The following PTRH1 variants were observed in gnomAD, a reference collection of about 807,000 sequenced individuals.
PTRH1 encodes peptidyl-tRNA hydrolase.
PTRH1 carries 13 observed loss-of-function variants against 15.7 expected under a neutral mutation model. The ratio of observed to expected loss-of-function variants is 0.83; its 90% CI spans 0.54 to 1.31. The LOEUF is 1.31. PTRH1 is among the 40% of genes most tolerant of loss of function. The pLI is 0.00. For synonymous variants in PTRH1, 139 were observed against 136.7 expected, an observed-to-expected ratio of 1.02 and a Z score of -0.12; for missense variants, 319 against 296.2, an observed-to-expected ratio of 1.08 and a Z score of -0.56.
At chr9:127,712,558 T>C, downstream of PTRH1, 1 of 1,538,836 alleles carries the variant, frequency 6.5e-7, no homozygotes, top group Non-Finnish European at 8.8e-7. Flanking sequence ...CTCTGAAAGG[T>C]CTTGGGCCTC....
downstream of PTRH1, chr9:127,713,798 C>T (rs1250413950): frequency 1.3e-6 from 2 of 1,586,650 alleles, no homozygotes; most frequent in Non-Finnish European, 1.7e-6. Context: ...TGAGCCACTG[C>T]ACCCGGCCTC....
At chr9:127,695,075 T>G in exon 2 of PTRH1, 1 of 702,050 alleles carries the variant, frequency 1.4e-6, no homozygotes, top group Non-Finnish European at 2.6e-6. Flanking sequence ...ATGATGATGA[T>G]GATGATGATG....
intron 2 of PTRH1, chr9:127,694,873 A>G (rs1842543187): frequency 6.1e-6 from 4 of 660,108 alleles, no homozygotes; most frequent in African/African-American, 1.8e-5. Context: ...TCTTCTGGGT[A>G]CAGGAAGCAG....
intron 1 of PTRH1, among the ~76,000 whole-genome samples, chr9:127,701,812 G>A (rs1842605412): frequency 6.6e-6 from 1 of 151,822 alleles, no homozygotes; most frequent in Non-Finnish European, 1.5e-5. Flanking sequence ...TACTCGGGAG[G>A]CTGCAGCAGG....
chr9:127,714,763 G>A (rs1842887778), intron 2 of PTRH1, 61 bp from the exon 3 acceptor site: 3 of 1,391,178 alleles, frequency 2.2e-6, no homozygotes, highest in South Asian at 1.2e-5. Flanking sequence ...GCACTGTCCC[G>A]ACTCCCATGA....
chr9:127,698,691 G>A (rs1270981214), intron 1 of PTRH1, among the ~76,000 whole-genome samples: 1 of 152,068 alleles, frequency 6.6e-6, no homozygotes, highest in Non-Finnish European at 1.5e-5. Context: ...AATAAAAATG[G>A]TTGGGGCAAA....
At chr9:127,699,689 T>G (rs962193764) in intron 1 of PTRH1, among the ~76,000 whole-genome samples, 2 of 151,676 alleles carry the variant, frequency 1.3e-5, no homozygotes, top group Middle Eastern at 3.2e-3. Context: ...AAGACTGTGC[T>G]GAGCAAAATA....
chr9:127,714,539 C>T (rs1842869307), intron 3 of PTRH1, 64 bp downstream of exon 3: 1 of 1,592,520 alleles, frequency 6.3e-7, no homozygotes, highest in Non-Finnish European at 8.6e-7. Flanking sequence ...GGTCAGCAGC[C>T]CTACTCCACC....
At chr9:127,711,128 GTGTTTAAC>G, downstream of PTRH1, 1 of 1,424,018 alleles carries the variant, frequency 7.0e-7, no homozygotes, top group South Asian at 1.4e-5. Flanking sequence ...GAGCATGCTG[GTGTTTAAC>G]AGCCCTAGGT....
At chr9:127,704,461 G>T (rs569213369) in intron 1 of PTRH1, among the ~76,000 whole-genome samples, 32 of 149,128 alleles carry the variant, frequency 2.1e-4, no homozygotes, top group Non-Finnish European at 3.3e-4. Flanking sequence ...AGCCGAGATG[G>T]TGCCACTGCA....
At position 127,714,701 on chromosome 9, in the gene PTRH1, C is replaced by A; in HGVS notation, c.318G>T (p.Ala106=). Residue 106 remains alanine (A), a splice_region_variant and synonymous_variant, in exon 3 of 5, where the codon GCG becomes GCT. Transcript: ENST00000543175. ...CCTCGGCAGTCAGCCCAAACAGCTC[C>A]GCTTAGCACAGGGAAACGGCAGCCC... ...NANGRSVARA[A]ELFGLTAEEV... 6.2e-7 allele frequency: 1 copy of A among 1,610,506 alleles called. No individual in the cohort carries two copies. Among genetic ancestry groups the A allele is most frequent in the East Asian group, 2.2e-5 (1 of 44,580 alleles).
At chr9:127,694,848 C>A in intron 2 of PTRH1, 3 of 625,206 alleles carry the variant, frequency 4.8e-6, no homozygotes, top group Non-Finnish European at 8.7e-6. Flanking sequence ...TTAGCAGTGG[C>A]CTGTGGGTTC....
intron 1 of PTRH1, among the ~76,000 whole-genome samples, chr9:127,696,645 A>G (rs1842563239): frequency 1.3e-5 from 2 of 152,300 alleles, no homozygotes; most frequent in Middle Eastern, 3.4e-3. Context: ...GGATCACTTG[A>G]GGTCAGGAGT....
chr9:127,694,826 C>T, intron 2 of PTRH1: 3 of 599,908 alleles, frequency 5.0e-6, no homozygotes, highest in East Asian at 5.6e-5. Flanking sequence ...TATTTAACAC[C>T]GTTGGAGACT....
At chr9:127,700,163 T>C (rs750681957) in intron 1 of PTRH1, among the ~76,000 whole-genome samples, 46 of 152,230 alleles carry the variant, frequency 3.0e-4, no homozygotes, top group Non-Finnish European at 6.2e-4. Context: ...GCTCCTTCTC[T>C]GCTCTAGGAA....
At chr9:127,713,061 C>T (rs746506232), downstream of PTRH1, 26 of 1,613,822 alleles carry the variant, frequency 1.6e-5, no homozygotes, top group South Asian at 9.9e-5. Flanking sequence ...TCTCTGCTGC[C>T]GCAGCTCTCT....
chr9:127,709,699 G>A (rs746543146), downstream of PTRH1: 2 of 1,611,022 alleles, frequency 1.2e-6, no homozygotes, highest in Non-Finnish European at 1.7e-6. This position sits in a 1 kb window ranked among gnomAD's most constrained non-coding sequence, Gnocchi z 4.7. Flanking sequence ...CCTTGGTGAG[G>A]AGGGGACTGG....
intron 4 of PTRH1, 21 bp from the exon 5 acceptor site, chr9:127,714,303 C>A: frequency 1.2e-6 from 2 of 1,614,036 alleles, no homozygotes; most frequent in Non-Finnish European, 8.5e-7. Context: ...GCCAGAGAGG[C>A]CCAGGAAGCT....
intron 1 of PTRH1, chr9:127,695,970 G>A (rs927471789): frequency 3.9e-5 from 6 of 152,156 alleles, no homozygotes; most frequent in African/African-American, 1.4e-4. Context: ...AATTCCAAAT[G>A]AGCCACGGGC....
Sources: gnomAD v4.1 joint callset for allele counts (sites outside exome capture counted in the v4.1 genomes callset) on GRCh38, gnomAD v4.1.1 for gene constraint, Gnocchi (gnomAD v3.1) non-coding constraint, MANE v1.5 for transcripts, NCBI Gene and HGNC (gene_info 2026-07-23, HGNC 2026-07-21) for gene names.